Variants in TENM1 observed in about 807,000 individuals in gnomAD.
TENM1 encodes the protein teneurin-1.
A neutral mutation model predicts 174.8 loss-of-function variants in TENM1; 35 were observed. That is an observed-to-expected ratio of 0.20 (90% CI 0.15 to 0.27). The LOEUF (loss-of-function observed/expected upper bound fraction) is 0.27, where lower values mean the gene tolerates loss of function less well. Ranked by LOEUF, TENM1 falls within the 10% of genes least tolerant of loss-of-function variation. The probability of loss-of-function intolerance (pLI) is 1.00; values close to 1 mark genes in which losing one functional copy is unlikely to be tolerated. For missense variants in TENM1, 1,633 were observed against 2,130.1 expected (o/e 0.77, Z 4.59); for synonymous variants, 781 against 798.7 (o/e 0.98, Z 0.37).
intron 3 of TENM1, among the ~76,000 whole-genome samples, chrX:124,737,986 A>G (rs1037792190): frequency 2.7e-5 from 3 of 111,572 alleles, no homozygotes; most frequent in Admixed American, 1.9e-4. Context: ...TCAGGCTTCT[A>G]TTGTTGCTAT....
At chrX:124,600,780 T>C (rs1182922493) in intron 11 of TENM1, among the ~76,000 whole-genome samples, 1 of 111,565 alleles carries the variant, frequency 9.0e-6, no homozygotes, top group Non-Finnish European at 1.9e-5. Flanking sequence ...TCATGACAGT[T>C]AAGGAAAGAT....
the TENM1 span, among the ~76,000 whole-genome samples, chrX:125,054,033 G>C: frequency 5.4e-5 from 6 of 111,782 alleles, no homozygotes; most frequent in African/African-American, 2.0e-4. Flanking sequence ...CAAATTCTAA[G>C]GACCTTTTAG....
chrX:124,892,504 C>T (rs1013910253), intron 3 of TENM1, among the ~76,000 whole-genome samples: 1 of 111,834 alleles, frequency 8.9e-6, no homozygotes, highest in Non-Finnish European at 1.9e-5. Flanking sequence ...AGAAACAAGT[C>T]CTTATAAACA....
At chrX:124,530,505 T>G (rs780365828) in intron 15 of TENM1, among the ~76,000 whole-genome samples, 1 of 111,455 alleles carries the variant, frequency 9.0e-6, no homozygotes, top group Admixed American at 9.6e-5. Flanking sequence ...TTTTTCCTGC[T>G]TCTTGGTGTT....
At chrX:125,201,607 G>A in the TENM1 span, among the ~76,000 whole-genome samples, 1 of 111,996 alleles carries the variant, frequency 8.9e-6, no homozygotes, top group Non-Finnish European at 1.9e-5. Context: ...TTTCTTCATA[G>A]AGTTGTTTTA....
At chrX:125,038,314 T>A in the TENM1 span, among the ~76,000 whole-genome samples, 1 of 110,671 alleles carries the variant, frequency 9.0e-6, no homozygotes, top group Non-Finnish European at 1.9e-5. Flanking sequence ...TCCCATCTGC[T>A]ACTTTGAGTT....
the TENM1 span, among the ~76,000 whole-genome samples, chrX:125,006,088 C>A: frequency 1.8e-5 from 2 of 111,928 alleles, no homozygotes; most frequent in Non-Finnish European, 3.8e-5. Flanking sequence ...GTCTGACTCC[C>A]ACGGAGCTTA....
At chrX:124,932,921 C>T (rs977147475) in intron 1 of TENM1, among the ~76,000 whole-genome samples, 2 of 111,596 alleles carry the variant, frequency 1.8e-5, no homozygotes, top group East Asian at 5.6e-4. Flanking sequence ...AAATTTCAGG[C>T]ATCTCTGCAT....
chrX:124,577,952 G>T (rs756035768), intron 11 of TENM1, among the ~76,000 whole-genome samples: 2 of 107,115 alleles, frequency 1.9e-5, no homozygotes, highest in South Asian at 9.0e-4. Flanking sequence ...TTGAGGCAGG[G>T]TCTCACTCCG....
chrX:124,913,181 G>T (rs958366258), intron 1 of TENM1, among the ~76,000 whole-genome samples: 1 of 110,454 alleles, frequency 9.1e-6, no homozygotes, highest in Non-Finnish European at 1.9e-5. Context: ...ATTTATATAC[G>T]TTCCCATAGT....
At chrX:124,935,984 T>C (rs1338860682) in intron 1 of TENM1, among the ~76,000 whole-genome samples, 3 of 111,922 alleles carry the variant, frequency 2.7e-5, no homozygotes, top group African/African-American at 9.8e-5. Context: ...ACCTCTTGCA[T>C]GGACTTCTGC....
At chrX:124,763,739 T>C (rs1244341567) in intron 3 of TENM1, among the ~76,000 whole-genome samples, 1 of 112,056 alleles carries the variant, frequency 8.9e-6, no homozygotes, top group Non-Finnish European at 1.9e-5. Flanking sequence ...AATCAGGTAA[T>C]AGGCACAGAG....
exon 24 of TENM1, chrX:124,422,342 C>T (rs1489356775): frequency 7.4e-6 from 9 of 1,209,471 alleles, no homozygotes; most frequent in Non-Finnish European, 1.0e-5. Context: ...TGATGTAGAT[C>T]TCCCCATTGG....
At chrX:124,526,195 A>C (rs2047971928) in intron 16 of TENM1, among the ~76,000 whole-genome samples, 1 of 111,667 alleles carries the variant, frequency 9.0e-6, no homozygotes, top group Non-Finnish European at 1.9e-5. Context: ...ATCCTTGATA[A>C]TGTGGGTGGG....
At chrX:124,843,115 C>G (rs1178412037) in intron 3 of TENM1, among the ~76,000 whole-genome samples, 2 of 111,094 alleles carry the variant, frequency 1.8e-5, no homozygotes, top group African/African-American at 6.5e-5. Context: ...TTGCCTTGTC[C>G]GAGCTTGAAT....
intron 11 of TENM1, among the ~76,000 whole-genome samples, chrX:124,580,495 CA>C (rs2049277762): frequency 9.2e-6 from 1 of 108,848 alleles, no homozygotes; most frequent in Admixed American, 9.9e-5. Context: ...TGTCTATATA[CA>C]CATGTGTGTG....
At chrX:125,195,219 G>A in the TENM1 span, among the ~76,000 whole-genome samples, 3 of 111,785 alleles carry the variant, frequency 2.7e-5, no homozygotes, top group Non-Finnish European at 3.8e-5. Context: ...TGGAAAACAG[G>A]AGCCTTCAAG....
intron 6 of TENM1, among the ~76,000 whole-genome samples, chrX:124,665,900 G>A (rs932987092): frequency 4.5e-5 from 5 of 111,426 alleles, no homozygotes; most frequent in African/African-American, 1.3e-4. Context: ...TTGTAAAAAC[G>A]TTTTCACTGC....
At chrX:124,442,415 T>C (rs760399964) in intron 23 of TENM1, among the ~76,000 whole-genome samples, 1 of 112,560 alleles carries the variant, frequency 8.9e-6, no homozygotes, top group East Asian at 2.8e-4. Flanking sequence ...ATTTCATTTA[T>C]AGTGGCCTTC....
Sources: gnomAD v4.1 joint callset for allele counts (sites outside exome capture counted in the v4.1 genomes callset) on GRCh38, gnomAD v4.1.1 for gene constraint, MANE v1.5 for transcripts, NCBI Gene and HGNC (gene_info 2026-07-23, HGNC 2026-07-21) for gene names.